Variants in OLA1 observed in about 807,000 individuals in gnomAD.
OLA1 encodes Obg like ATPase 1.
OLA1 carries 14 observed loss-of-function variants against 48.4 expected under a neutral mutation model. The observed-to-expected ratio is 0.29, with a 90% CI of 0.19 to 0.45. The LOEUF (loss-of-function observed/expected upper bound fraction) is 0.45, where lower values mean the gene tolerates loss of function less well. Ranked by LOEUF, OLA1 falls within the 20% of genes least tolerant of loss-of-function variation. OLA1 has a pLI of 1.00. For synonymous variants in OLA1, 127 were observed against 150.4 expected (o/e 0.84, Z 1.14); for missense variants, 325 against 467.1 (o/e 0.70, Z 2.80).
At chr2:174,087,067 G>C (rs942367438) in intron 7 of OLA1, among the ~76,000 whole-genome samples, 1 of 146,704 alleles carries the variant, frequency 6.8e-6, no homozygotes, top group Non-Finnish European at 1.5e-5. Flanking sequence ...TCGCTCTGTC[G>C]CCAGGCTGGA....
intron 10 of OLA1, 140 bp downstream of exon 10, chr2:174,078,828 G>A: frequency 1.4e-6 from 1 of 728,024 alleles, no homozygotes; most frequent in Non-Finnish European, 2.1e-6. Context: ...TCAGTTGATA[G>A]TAACACTAAA....
At chr2:174,239,546 G>C (rs1688945228) in intron 2 of OLA1, among the ~76,000 whole-genome samples, 1 of 151,982 alleles carries the variant, frequency 6.6e-6, no homozygotes, top group African/African-American at 2.4e-5. Flanking sequence ...AAAAGAGACT[G>C]AGAATGTGTT....
In OLA1 at chr2:174,077,521, G is replaced by A. The variant is rs906537851; in HGVS notation, c.1089+1447C>T. 4.6e-5 allele frequency among the ~76,000 whole-genome samples: 7 copies of A among 152,108 alleles called. No individual in the cohort carries two copies. In the East Asian group the frequency reaches 7.7e-4, roughly 17 times the overall value. ...TATTAGTTTTGGAGGTTAAAACAAC[G>A]TAAAATATTTAATGGTATCCTAGGT... On this transcript the variant is annotated intron_variant, in intron 10 of 10. Transcript: ENST00000284719.
intron 5 of OLA1, among the ~76,000 whole-genome samples, chr2:174,134,867 G>T (rs1285302221): frequency 6.6e-6 from 1 of 152,162 alleles, no homozygotes; most frequent in Non-Finnish European, 1.5e-5. Context: ...GAATGCCTAA[G>T]ACATGGGAAT....
intron 1 of OLA1, chr2:174,247,766 G>A: frequency 1.3e-6 from 2 of 1,550,770 alleles, no homozygotes; most frequent in South Asian, 1.2e-5. Context: ...CTACATTATG[G>A]TTACTATTTC....
At chr2:174,164,393 T>C (rs1687114754) in intron 4 of OLA1, among the ~76,000 whole-genome samples, 1 of 42,316 alleles carries the variant, frequency 2.4e-5, no homozygotes, top group South Asian at 1.4e-3. Context: ...CTGTTTTATG[T>C]TTGGTGATCC....
chr2:174,247,081 C>A lies in OLA1; in HGVS notation c.1-266G>T, dbSNP rs574256280. 1.1e-3 allele frequency: 256 copies of A among 228,264 alleles called. 1 individual carries two copies. The highest frequency in any genetic ancestry group is 5.5e-3 in the African/African-American group (241 of 44,104). 14.1% of individuals were successfully genotyped at this position (228,264 alleles called of 1,614,324 possible). A position where few individuals can be genotyped will look rare whatever the true frequency, so the allele number is the denominator to read the frequency against. Reference sequence around the variant, plus strand: ...TAAAATCAATATTTGTTGGGCCGGGCACGGTGGCTCAGGCCTGTAATCCCA... The same window carrying A: ...TAAAATCAATATTTGTTGGGCCGGGAACGGTGGCTCAGGCCTGTAATCCCA... On this transcript the variant is annotated intron_variant, in intron 1 of 10. Coordinates refer to ENST00000284719, the MANE Select transcript of OLA1 (RefSeq NM_013341.5).
At chr2:174,200,834 T>A (rs1325745842) in intron 4 of OLA1, among the ~76,000 whole-genome samples, 1 of 152,144 alleles carries the variant, frequency 6.6e-6, no homozygotes, top group Non-Finnish European at 1.5e-5. Context: ...TTCAATGGAA[T>A]CCTCATTTGG....
intron 4 of OLA1, among the ~76,000 whole-genome samples, chr2:174,154,344 C>T (rs2105390855): frequency 6.6e-6 from 1 of 152,220 alleles, no homozygotes; most frequent in Non-Finnish European, 1.5e-5. Flanking sequence ...TTGCCCTCAC[C>T]CTTCAAACCT....
chr2:174,213,232 C>G (rs1005345756), intron 4 of OLA1, among the ~76,000 whole-genome samples: 1 of 152,104 alleles, frequency 6.6e-6, no homozygotes, highest in Non-Finnish European at 1.5e-5. Flanking sequence ...GTTTCTAAAC[C>G]GGGAAGAAAA....
intron 3 of OLA1, among the ~76,000 whole-genome samples, chr2:174,227,469 A>T (rs1193452664): frequency 6.6e-6 from 1 of 152,198 alleles, no homozygotes; most frequent in African/African-American, 2.4e-5. Context: ...GTAAATACAA[A>T]CTAAAGAACC....
intron 4 of OLA1, among the ~76,000 whole-genome samples, chr2:174,181,440 C>T (rs1278402204): frequency 6.6e-6 from 1 of 152,132 alleles, no homozygotes; most frequent in Non-Finnish European, 1.5e-5. Flanking sequence ...GGTGATATTA[C>T]TGCATGTTTG....
At chr2:174,099,625 G>C (rs796583329) in intron 7 of OLA1, among the ~76,000 whole-genome samples, 1 of 152,144 alleles carries the variant, frequency 6.6e-6, no homozygotes, top group African/African-American at 2.4e-5. Context: ...CCATTGCAAA[G>C]TTCTTTCCAT....
chr2:174,196,045 C>T (rs181595491), intron 4 of OLA1, among the ~76,000 whole-genome samples: 1 of 152,136 alleles, frequency 6.6e-6, no homozygotes. Context: ...ACTTAGAATG[C>T]ATTGGTATGG....
intron 4 of OLA1, among the ~76,000 whole-genome samples, chr2:174,144,951 A>AAAAAAAAAAATATATATATATAT (rs1181030817): frequency 2.5e-5 from 1 of 40,296 alleles, no homozygotes; most frequent in Non-Finnish European, 4.0e-5. Context: ...AAAAAAAAAA[A>AAAAAAAAAAATATATATATATAT]ATATATATAT....
At chr2:174,183,062 T>A (rs1687583015) in intron 4 of OLA1, among the ~76,000 whole-genome samples, 1 of 152,196 alleles carries the variant, frequency 6.6e-6, no homozygotes, top group Non-Finnish European at 1.5e-5. Flanking sequence ...TCATTTTTTT[T>A]TAAAAGTCCA....
intron 2 of OLA1, among the ~76,000 whole-genome samples, chr2:174,232,504 G>A (rs1479764060): frequency 2.6e-5 from 4 of 151,980 alleles, no homozygotes; most frequent in Admixed American, 2.6e-4. Context: ...GGAGAAGAAG[G>A]CCTAAAAACA....
At chr2:174,191,868 TG>T (rs1558997667) in intron 4 of OLA1, among the ~76,000 whole-genome samples, 1 of 152,204 alleles carries the variant, frequency 6.6e-6, no homozygotes, top group East Asian at 1.9e-4. Flanking sequence ...AAATTCTAGA[TG>T]CACTCTAAGT....
chr2:174,233,067 T>A (rs945905314), intron 2 of OLA1, among the ~76,000 whole-genome samples: 1 of 152,214 alleles, frequency 6.6e-6, no homozygotes, highest in African/African-American at 2.4e-5. Flanking sequence ...GAATAAACTT[T>A]AAGGACACTA....
Sources: gnomAD v4.1 joint callset for allele counts (sites outside exome capture counted in the v4.1 genomes callset) on GRCh38, gnomAD v4.1.1 for gene constraint, MANE v1.5 for transcripts, NCBI Gene and HGNC (gene_info 2026-07-23, HGNC 2026-07-21) for gene names.